BAHCC1: variants seen among roughly 807,000 people sequenced by gnomAD.
BAHCC1 encodes the protein BAH domain and coiled-coil containing 1.
Under a neutral mutation model 88.2 loss-of-function variants are expected in BAHCC1, and 43 were observed. That is an observed-to-expected ratio of 0.49 (90% CI 0.38 to 0.63). BAHCC1 has a LOEUF of 0.63. Ranked by LOEUF, BAHCC1 falls within the 20% of genes least tolerant of loss-of-function variation. BAHCC1 has a pLI of 0.00. For synonymous variants in BAHCC1, 1,510 were observed against 745.5 expected (o/e 2.03, Z -16.71); for missense variants, 3,023 against 1,654.8 (o/e 1.83, Z -14.34).
At chr17:81,403,533 C>T (rs1555646407) in intron 2 of BAHCC1, among the ~76,000 whole-genome samples, 2 of 151,910 alleles carry the variant, frequency 1.3e-5, no homozygotes, top group Non-Finnish European at 2.9e-5. Flanking sequence ...AAAAAATACC[C>T]CCAACTTGGC....
chr17:81,397,410 A>AAC lies in BAHCC1; in HGVS notation c.-207+1776_-207+1777insCA, dbSNP rs1555645084. On this transcript the variant is annotated intron_variant, in intron 1 of 27. Transcript: ENST00000675386. ...TTATTGGAGAGAAAAAAAAAAAAAA[A>AAC]AACAACCACAAAACAAAAGCACAGC... Among the ~76,000 whole-genome samples the AAC allele has an allele frequency of 2.0e-3, 294 of 147,582 alleles. 6 individuals carry two copies. The highest frequency in any genetic ancestry group is 1.3e-3 in the African/African-American group (51 of 40,312).
chr17:81,421,826 G>GT, intron 2 of BAHCC1: 1 of 207,092 alleles, frequency 4.8e-6, no homozygotes, highest in Non-Finnish European at 1.0e-5. Flanking sequence ...CCAGTCCCTT[G>GT]GGGGGGATGG....
chr17:81,401,825 A>ACT (rs10664154), intron 2 of BAHCC1: 87,286 of 151,970 alleles, frequency 0.57, 26,533 homozygotes, highest in Middle Eastern at 0.69. Context: ...TCAGGTCAGC[A>ACT]CTCTCCCTGA....
chr17:81,448,595 G>A (rs1450763441), intron 11 of BAHCC1, among the ~76,000 whole-genome samples: 3 of 152,236 alleles, frequency 2.0e-5, no homozygotes, highest in African/African-American at 4.8e-5. Flanking sequence ...GTTGTTGATA[G>A]CACGAAGCTG....
intron 3 of BAHCC1, among the ~76,000 whole-genome samples, chr17:81,429,320 G>T (rs2064234576): frequency 6.6e-6 from 1 of 152,224 alleles, no homozygotes; most frequent in South Asian, 2.1e-4. Flanking sequence ...CGAGGCCCGT[G>T]CTCCAGCTTG....
rs782589306 is a variant in BAHCC1 at position 81,456,259 on chromosome 17, G to A, written c.4570-38G>A. 4.3e-6 allele frequency: 3 copies of A among 693,828 alleles called. No individual in the cohort carries two copies. The South Asian group carries it at 4.7e-5, about 11-fold the overall frequency. 43.0% of individuals were successfully genotyped at this position (693,828 alleles called of 1,614,324 possible). The stretch of plus-strand genomic sequence containing the variant: ...CGCCCAGGGGCTGTGGTTTGCAGAG[G>A]GCGCCCTGAGAGTGCAGCTGCCCCT... On this transcript the variant is annotated intron_variant, in intron 15 of 27. Coordinates refer to ENST00000675386, the MANE Select transcript of BAHCC1 (RefSeq NM_001377448.1).
chr17:81,424,517 G>T (rs2064151077), intron 2 of BAHCC1, among the ~76,000 whole-genome samples: 1 of 152,240 alleles, frequency 6.6e-6, no homozygotes, highest in South Asian at 2.1e-4. Flanking sequence ...TGATGGTGGT[G>T]GTGGCGAGTG....
At position 81,414,384 on chromosome 17, in the gene BAHCC1, G is replaced by A. The variant is rs563850815; in HGVS notation, c.179-12416G>A. ...ATGCAGGCGGCCAGCATCACGGCCC[G>A]GACCCCACAGAGGCGGAGCTCGGGC... is the stretch of plus-strand genomic sequence containing the variant. On this transcript the variant is annotated intron_variant, in intron 2 of 27. Transcript: ENST00000675386. Among the ~76,000 whole-genome samples, 10 of 152,304 alleles carry A rather than the reference G, an allele frequency of 6.6e-5. No homozygotes were observed. In the South Asian group the frequency reaches 8.3e-4, roughly 13 times the overall value.
At chr17:81,412,808 C>G (rs1380373021) in intron 2 of BAHCC1, among the ~76,000 whole-genome samples, 1 of 152,228 alleles carries the variant, frequency 6.6e-6, no homozygotes, top group Non-Finnish European at 1.5e-5. Flanking sequence ...TTCTGTGAGT[C>G]GGGAATCTGA....
rs782214604 is a variant in BAHCC1 at position 81,443,501 on chromosome 17, C to T, written c.2152C>T (p.Arg718Trp). The change falls in exon 5 of 28, where the codon CGG becomes TGG. Residue 718 changes from arginine (R) to tryptophan (W), a missense_variant. Coordinates refer to ENST00000675386, the MANE Select transcript of BAHCC1 (RefSeq NM_001377448.1). ...GGCCCGGCAGAAGGACACAGTGAGCCGGTCTGAGGCAGCCTACGGCACCAA... is the reference window on the plus strand; with the variant it reads ...GGCCCGGCAGAAGGACACAGTGAGCTGGTCTGAGGCAGCCTACGGCACCAA... ...ALARQKDTVSRSEAAYGTNTA... is the reference protein window; with the variant it reads ...ALARQKDTVSWSEAAYGTNTA... 1.4e-5 allele frequency: 10 copies of T among 700,370 alleles called. No individual in the cohort carries two copies. The highest frequency in any genetic ancestry group is 2.7e-5 in the East Asian group (1 of 37,326). The allele number at this position is 700,370 out of a possible 1,614,324, so 43.4% of individuals were successfully genotyped here.
Position 81,399,561 on chromosome 17 carries a change from C to A in BAHCC1, c.-179C>A. 2.6e-6 allele frequency: 1 copy of A among 392,114 alleles called. No homozygotes were observed. The highest frequency in any genetic ancestry group is 4.9e-6 in the Non-Finnish European group (1 of 205,402). The allele number at this position is 392,114 out of a possible 1,614,324, so 24.3% of individuals were successfully genotyped here. ...CATGGACCCGCACAGCGGCCGCTGG[C>A]TCGGTGCGCGGCCGCCCGCCGAGAA... On this transcript the variant is annotated 5_prime_UTR_variant, in exon 2 of 28. Coordinates refer to ENST00000675386, the MANE Select transcript of BAHCC1 (RefSeq NM_001377448.1). This position sits in a 1 kb window ranked among gnomAD's most constrained non-coding sequence, Gnocchi z 4.5.
chr17:81,459,222 C>T lies in BAHCC1; in HGVS notation c.5721-31C>T, dbSNP rs376302315. ...AGGGGCCTGGAGGGCAACCGAGACC[C>T]GTGGCACCTCACATTCCCCAATGCC... On this transcript the variant is annotated intron_variant, in intron 21 of 27. Coordinates refer to ENST00000675386, the MANE Select transcript of BAHCC1 (RefSeq NM_001377448.1). 192 of 775,746 alleles carry T rather than the reference C, an allele frequency of 2.5e-4. 1 individual carries two copies. The highest frequency in any genetic ancestry group is 1.3e-3 in the African/African-American group (79 of 59,184). The allele number at this position is 775,746 out of a possible 1,614,324, so 48.1% of individuals were successfully genotyped here. A position where few individuals can be genotyped will look rare whatever the true frequency, so the allele number is the denominator to read the frequency against.
intron 1 of BAHCC1, among the ~76,000 whole-genome samples, chr17:81,397,438 A>T (rs2063757674): frequency 1.3e-5 from 2 of 150,250 alleles, no homozygotes; most frequent in African/African-American, 4.9e-5. Flanking sequence ...AGCACAGCAC[A>T]CACGACTCCC....
chr17:81,424,765 A>G (rs1272072681), intron 2 of BAHCC1, among the ~76,000 whole-genome samples: 1 of 146,884 alleles, frequency 6.8e-6, no homozygotes, highest in Non-Finnish European at 1.5e-5. Context: ...GGTGGTGTTG[A>G]TGTGGTTGGT....
At chr17:81,431,536 C>G (rs926311937) in intron 3 of BAHCC1, among the ~76,000 whole-genome samples, 2 of 152,126 alleles carry the variant, frequency 1.3e-5, no homozygotes, top group African/African-American at 2.4e-5. Context: ...AACCTGAGCC[C>G]CAGGGAGGTT....
intron 15 of BAHCC1, 62 bp from the exon 16 acceptor site, chr17:81,456,235 G>A (rs1237746843): frequency 2.4e-5 from 16 of 677,570 alleles, no homozygotes; most frequent in South Asian, 8.1e-5. Context: ...GCACCTAACC[G>A]CCCAGGGGCT....
intron 2 of BAHCC1, among the ~76,000 whole-genome samples, chr17:81,409,260 C>T (rs921910674): frequency 6.6e-6 from 1 of 152,222 alleles, no homozygotes; most frequent in Admixed American, 6.5e-5. Flanking sequence ...TGCGCTACAC[C>T]TTAAAGGGTG....
At chr17:81,415,382 G>C in intron 2 of BAHCC1, 2 of 334,322 alleles carry the variant, frequency 6.0e-6, no homozygotes, top group Admixed American at 4.2e-5. Context: ...AAGGTGGCTG[G>C]GTGTGAACCA....
Position 81,433,668 on chromosome 17 carries a change from G to A in BAHCC1, c.359-4702G>A, listed in dbSNP as rs568455316. Reference sequence around the variant, plus strand: ...CCAGGGCAGGAGTCATCAGTCCACCGAGGCCCCTGTGTGCCCCGGGCAGGT... The same window carrying A: ...CCAGGGCAGGAGTCATCAGTCCACCAAGGCCCCTGTGTGCCCCGGGCAGGT... On this transcript the variant is annotated intron_variant, in intron 3 of 27. Transcript: ENST00000675386. 1.2e-4 allele frequency among the ~76,000 whole-genome samples: 17 copies of A among 144,312 alleles called. No individual in the cohort carries two copies. The South Asian group carries it at 2.1e-3, about 18-fold the overall frequency. The allele number at this position is 144,312 out of a possible 152,430, so 94.7% of individuals were successfully genotyped here.
Sources: gnomAD v4.1 joint callset for allele counts (sites outside exome capture counted in the v4.1 genomes callset) on GRCh38, gnomAD v4.1.1 for gene constraint, Gnocchi (gnomAD v3.1) non-coding constraint, MANE v1.5 for transcripts, NCBI Gene and HGNC (gene_info 2026-07-23, HGNC 2026-07-21) for gene names.